CHODL: variants seen among roughly 807,000 people sequenced by gnomAD.
CHODL encodes transmembrane protein MT75.
CHODL carries 29 observed loss-of-function variants against 34.5 expected under a neutral mutation model. The ratio of observed to expected loss-of-function variants is 0.84; its 90% CI spans 0.63 to 1.15. The LOEUF is 1.15. CHODL is among the 50% of genes most tolerant of loss of function. CHODL has a pLI of 0.00. For missense variants in CHODL, 332 were observed against 332.5 expected (o/e 1.00, Z 0.01); for synonymous variants, 125 against 116.1 (o/e 1.08, Z -0.49).
At chr21:18,249,100 TATA>T (rs1479387843) in intron 1 of CHODL, among the ~76,000 whole-genome samples, 14 of 125,698 alleles carry the variant, frequency 1.1e-4, no homozygotes, top group African/African-American at 2.9e-4. Flanking sequence ...AATATATATA[TATA>T]ATAATATATA....
chr21:18,185,400 A>C lies in CHODL; in HGVS notation c.-44-71109A>C, dbSNP rs561931742. ...GTATCCCATGGTGTATATGTGCCAC[A>C]TTTTCTTTATCCAGCCTATCATTGA... On this transcript the variant is annotated intron_variant, in intron 2 of 6. Coordinates refer to the CHODL transcript ENST00000400127. Among the ~76,000 whole-genome samples, 14 of 152,148 alleles carry C rather than the reference A, an allele frequency of 9.2e-5. No homozygotes were observed. In the East Asian group the frequency reaches 2.5e-3, roughly 27 times the overall value.
At chr21:17,962,887 A>C (rs1253577764) in intron 1 of CHODL, among the ~76,000 whole-genome samples, 2 of 151,432 alleles carry the variant, frequency 1.3e-5, no homozygotes, top group Non-Finnish European at 2.9e-5. Flanking sequence ...CACGGTGAAA[A>C]CCTGTCTCTA....
intron 1 of CHODL, among the ~76,000 whole-genome samples, chr21:18,246,767 T>A (rs1043106434): frequency 1.3e-5 from 2 of 152,178 alleles, no homozygotes; most frequent in Admixed American, 1.3e-4. Flanking sequence ...CTCAACATTT[T>A]AAAGGGAGGA....
intron 2 of CHODL, among the ~76,000 whole-genome samples, chr21:18,080,358 A>G (rs768279848): frequency 1.3e-5 from 2 of 151,888 alleles, no homozygotes; most frequent in African/African-American, 2.4e-5. Context: ...GTTTATCTTC[A>G]TTTTTGTAGC....
chr21:18,216,204 G>A (rs1207644412), intron 2 of CHODL, among the ~76,000 whole-genome samples: 1 of 151,690 alleles, frequency 6.6e-6, no homozygotes, highest in Non-Finnish European at 1.5e-5. Context: ...TTTGATATAT[G>A]CATATGAAGT....
chr21:18,215,057 AT>A (rs1189876989), intron 2 of CHODL, among the ~76,000 whole-genome samples: 7 of 152,066 alleles, frequency 4.6e-5, no homozygotes, highest in African/African-American at 1.7e-4. Flanking sequence ...TAAATAAATA[AT>A]TTTCACAAAG....
intron 2 of CHODL, among the ~76,000 whole-genome samples, chr21:18,036,891 G>A (rs946951622): frequency 4.0e-5 from 6 of 151,848 alleles, no homozygotes; most frequent in African/African-American, 1.2e-4. Flanking sequence ...AGCTTGAATA[G>A]CATTGCCCTG....
intron 1 of CHODL, among the ~76,000 whole-genome samples, chr21:17,927,606 T>G (rs759109433): frequency 2.0e-5 from 3 of 152,230 alleles, no homozygotes; most frequent in Non-Finnish European, 4.4e-5. Flanking sequence ...GCTTTCATTT[T>G]AATAGCAGCA....
At chr21:18,038,070 T>C (rs1049520184) in intron 2 of CHODL, among the ~76,000 whole-genome samples, 1 of 151,746 alleles carries the variant, frequency 6.6e-6, no homozygotes, top group African/African-American at 2.4e-5. Flanking sequence ...AAACATCTGG[T>C]ACTTTCTCTT....
chr21:18,025,996 T>A (rs554193091), intron 1 of CHODL, among the ~76,000 whole-genome samples: 1 of 152,316 alleles, frequency 6.6e-6, no homozygotes, highest in Admixed American at 6.5e-5. Flanking sequence ...CTTCAACATA[T>A]AAATTTTGGG....
intron 2 of CHODL, among the ~76,000 whole-genome samples, chr21:18,156,279 G>T (rs1341124903): frequency 6.6e-6 from 1 of 152,122 alleles, no homozygotes; most frequent in Non-Finnish European, 1.5e-5. Context: ...ACAGATTCAG[G>T]ATTTAAAAGT....
chr21:17,931,708 A>C (rs576570452), intron 1 of CHODL, among the ~76,000 whole-genome samples: 1 of 152,230 alleles, frequency 6.6e-6, no homozygotes, highest in Non-Finnish European at 1.5e-5. Context: ...AAAGACAGGC[A>C]GAACTTCTGG....
At chr21:18,251,482 T>TAA (rs2074240152) in intron 1 of CHODL, among the ~76,000 whole-genome samples, 1 of 133,430 alleles carries the variant, frequency 7.5e-6, no homozygotes, top group African/African-American at 2.7e-5. Flanking sequence ...ATTATTTATT[T>TAA]TAATATATAA....
intron 2 of CHODL, among the ~76,000 whole-genome samples, chr21:18,183,887 A>G (rs2073410606): frequency 6.6e-6 from 1 of 152,202 alleles, no homozygotes; most frequent in African/African-American, 2.4e-5. Context: ...TTTCTTTTGC[A>G]ACAGCGAAGT....
intron 2 of CHODL, among the ~76,000 whole-genome samples, chr21:18,093,752 A>C (rs1055691376): frequency 6.6e-6 from 1 of 151,898 alleles, no homozygotes; most frequent in Non-Finnish European, 1.5e-5. Flanking sequence ...AAAAATAAAA[A>C]GCAAGAAATT....
At chr21:18,217,159 A>G (rs1042997422) in intron 2 of CHODL, among the ~76,000 whole-genome samples, 2 of 142,946 alleles carry the variant, frequency 1.4e-5, no homozygotes, top group Non-Finnish European at 3.0e-5. Context: ...TCTTTTGCAT[A>G]TATACTCAGC....
At chr21:18,128,796 T>TA (rs1332437899) in intron 2 of CHODL, among the ~76,000 whole-genome samples, 1 of 152,200 alleles carries the variant, frequency 6.6e-6, no homozygotes, top group African/African-American at 2.4e-5. Flanking sequence ...TGTGTCTACT[T>TA]ACATGCATAT....
intron 1 of CHODL, among the ~76,000 whole-genome samples, chr21:17,932,742 C>T (rs148143460): frequency 0.03 from 4,554 of 152,286 alleles, 189 homozygotes; most frequent in African/African-American, 0.095. Context: ...TGCCCCTCCA[C>T]ACCTGTGGGT....
intron 2 of CHODL, among the ~76,000 whole-genome samples, chr21:18,069,068 A>AT (rs903325867): frequency 5.3e-5 from 8 of 152,152 alleles, no homozygotes; most frequent in Non-Finnish European, 1.2e-4. Flanking sequence ...GAGTAAGCAA[A>AT]TTTTTTTATC....
Sources: allele counts gnomAD v4.1 joint callset (sites outside exome capture counted in the v4.1 genomes callset), GRCh38; gene constraint gnomAD v4.1.1; transcripts MANE v1.5; gene names NCBI Gene and HGNC (gene_info 2026-07-23, HGNC 2026-07-21).